ZNF721: variants seen among roughly 807,000 people sequenced by gnomAD.
The protein encoded by ZNF721 is zinc finger protein 721.
A neutral mutation model predicts 2.4 loss-of-function variants in ZNF721; 2 were observed. The observed-to-expected ratio is 0.82, with a 90% confidence interval of 0.34 to 2.58. The LOEUF is 2.58. Ranked by LOEUF, ZNF721 falls within the 30% of genes most tolerant of loss-of-function variation. ZNF721 has a pLI of 0.11. For synonymous variants in ZNF721, 398 were observed against 381.8 expected (o/e 1.04, Z -0.50); for missense variants, 1,187 against 1,085.5 (o/e 1.09, Z -1.31).
At position 472,570 on chromosome 4, in the gene ZNF721, C is replaced by T; in HGVS notation, c.34+5G>A. The T allele has an allele frequency of 1.3e-6, 2 of 1,596,878 alleles. No homozygotes were observed. Among genetic ancestry groups the T allele is most frequent in the Non-Finnish European group, 1.7e-6 (2 of 1,175,668 alleles). On this transcript the variant is annotated splice_donor_5th_base_variant and intron_variant, in intron 2 of 2. Coordinates refer to ENST00000511833, the MANE Select transcript of ZNF721 (RefSeq NM_133474.4). ...TTAGGAATTATGCATTAAAGTTATC[C>T]TCACCTAGGGAGACCAGGTTTCTGT...
At chr4:496,207 T>C (rs1436950444) in intron 1 of ZNF721, among the ~76,000 whole-genome samples, 2 of 152,134 alleles carry the variant, frequency 1.3e-5, no homozygotes, top group African/African-American at 4.8e-5. Context: ...TCCCATAATT[T>C]AGAGTTCCCC....
At chr4:464,156 A>C (rs1553866441) in intron 2 of ZNF721, among the ~76,000 whole-genome samples, 1 of 152,216 alleles carries the variant, frequency 6.6e-6, no homozygotes, top group African/African-American at 2.4e-5. Context: ...AATTATACAC[A>C]GGATAAAATC....
intron 2 of ZNF721, among the ~76,000 whole-genome samples, chr4:467,409 T>G (rs1715287847): frequency 6.6e-6 from 1 of 152,234 alleles, no homozygotes; most frequent in African/African-American, 2.4e-5. Flanking sequence ...AATGTATGAT[T>G]CCACTTACAT....
At chr4:468,099 CTA>C (rs1366073842) in intron 2 of ZNF721, among the ~76,000 whole-genome samples, 5 of 152,112 alleles carry the variant, frequency 3.3e-5, no homozygotes, top group Non-Finnish European at 4.4e-5. Flanking sequence ...AACCCTGTCT[CTA>C]TTAAAAATAC....
chr4:446,130 A>T (rs887027185), intron 2 of ZNF721, among the ~76,000 whole-genome samples: 2 of 150,256 alleles, frequency 1.3e-5, no homozygotes, highest in African/African-American at 4.8e-5. Flanking sequence ...AGTGAAAATA[A>T]CATAATGCAA....
chr4:472,420 C>T (rs116054527), intron 2 of ZNF721, among the ~76,000 whole-genome samples, 155 bp downstream of exon 2: 2,212 of 152,280 alleles, frequency 0.015, 57 homozygotes, highest in African/African-American at 0.049. Flanking sequence ...AATCTATCAA[C>T]AATGTTAAGA....
chr4:443,448 T>G lies in ZNF721; in HGVS notation c.1019A>C (p.Lys340Thr). Residue 340 changes from lysine to threonine, a missense_variant, in exon 3 of 3, where the codon AAA becomes ACA. Physicochemically the swap from Lys to Thr is moderately conservative, Grantham distance 78 (BLOSUM62 -1). Transcript: ENST00000511833. The stretch of plus-strand genomic sequence containing the variant: ...AAGGTTTGCGGACTGTCTAAAGGTT[T>G]TGCCACATTCTCCACATGTGTAGGG... ...EKPYTCGECGKTFRQSANLYV... is the reference protein window; with the variant it reads ...EKPYTCGECGTTFRQSANLYV... 6.2e-7 allele frequency: 1 copy of G among 1,611,936 alleles called. No individual in the cohort carries two copies. Among genetic ancestry groups the G allele is most frequent in the Non-Finnish European group, 8.5e-7 (1 of 1,178,318 alleles).
chr4:455,338 C>A (rs1233299554), intron 2 of ZNF721, among the ~76,000 whole-genome samples: 1 of 152,148 alleles, frequency 6.6e-6, no homozygotes, highest in Non-Finnish European at 1.5e-5. Context: ...GAGGCCGAGG[C>A]GGGCGGATCA....
rs929473920 is a variant in ZNF721, at chr4:499,078, G to T, written c.-116C>A. 2.1e-5 allele frequency: 11 copies of T among 534,394 alleles called. No individual in the cohort carries two copies. The highest frequency in any genetic ancestry group is 3.3e-5 in the Non-Finnish European group (10 of 306,174). 33.1% of individuals were successfully genotyped at this position (534,394 alleles called of 1,614,324 possible). A position where few individuals can be genotyped will look rare whatever the true frequency, so the allele number is the denominator to read the frequency against. ...TACCTCGCCGTGGGCGGCGACCGTC[G>T]CGGACTCGCCGGGAAGACGGCCCCA... On this transcript the variant is annotated 5_prime_UTR_variant, in exon 1 of 3. Transcript: ENST00000511833.
At chr4:480,357 A>G (rs543784769) in intron 1 of ZNF721, among the ~76,000 whole-genome samples, 2 of 152,318 alleles carry the variant, frequency 1.3e-5, no homozygotes, top group African/African-American at 4.8e-5. Flanking sequence ...GAATTTAGGA[A>G]CACTTTCTTA....
At chr4:455,191 A>G (rs1714808156) in intron 2 of ZNF721, among the ~76,000 whole-genome samples, 1 of 152,194 alleles carries the variant, frequency 6.6e-6, no homozygotes, top group South Asian at 2.1e-4. Flanking sequence ...TTTACATGGG[A>G]TAAAGGTTGT....
intron 1 of ZNF721, among the ~76,000 whole-genome samples, chr4:487,312 A>C (rs551974715): frequency 3.3e-5 from 5 of 152,266 alleles, no homozygotes; most frequent in Admixed American, 6.5e-5. Flanking sequence ...TTCCATCTCT[A>C]TGACAACAAG....
At chr4:454,377 T>A (rs1714771910) in intron 2 of ZNF721, among the ~76,000 whole-genome samples, 2 of 152,360 alleles carry the variant, frequency 1.3e-5, no homozygotes, top group Admixed American at 1.3e-4. Flanking sequence ...AAGCTCTTAA[T>A]GATAGTAGCA....
At chr4:477,191 T>C (rs918527167) in intron 1 of ZNF721, among the ~76,000 whole-genome samples, 7 of 151,708 alleles carry the variant, frequency 4.6e-5, no homozygotes, top group Non-Finnish European at 1.0e-4. Context: ...TCAAACCTTC[T>C]GGGAAAACAT....
chr4:454,507 G>C lies in ZNF721; in HGVS notation c.35-10075C>G, dbSNP rs576478734. On this transcript the variant is annotated intron_variant, in intron 2 of 2. Coordinates refer to ENST00000511833, the MANE Select transcript of ZNF721 (RefSeq NM_133474.4). ...AGGGGTTTGAGCCTTACTGCATACTGAATGTTATGTGTATATCCCTGACAA... is the reference window on the plus strand; with the variant it reads ...AGGGGTTTGAGCCTTACTGCATACTCAATGTTATGTGTATATCCCTGACAA... Among the ~76,000 whole-genome samples the C allele has an allele frequency of 4.6e-5, 7 of 152,264 alleles. No individual in the cohort carries two copies. The East Asian group carries it at 1.4e-3, about 29-fold the overall frequency.
intron 2 of ZNF721, among the ~76,000 whole-genome samples, chr4:461,552 T>C (rs1715070798): frequency 1.3e-5 from 2 of 152,192 alleles, no homozygotes; most frequent in Admixed American, 1.3e-4. Context: ...AAGACAAGGA[T>C]GCCCTCTCTC....
At chr4:483,349 A>C (rs1414603420) in intron 1 of ZNF721, among the ~76,000 whole-genome samples, 2 of 152,100 alleles carry the variant, frequency 1.3e-5, no homozygotes, top group Non-Finnish European at 2.9e-5. Flanking sequence ...TCAGTTCATG[A>C]CCAGCCTGGC....
In ZNF721 at chr4:467,223, A is replaced by C. The variant is rs202019838; in HGVS notation, c.34+5352T>G. ...CAGAGCAAGACTCCATCTCAAAAAA[A>C]AAACAAACAAACAAAAAAGGATGTG... On this transcript the variant is annotated intron_variant, in intron 2 of 2. Transcript: ENST00000511833. Among the ~76,000 whole-genome samples, 116 of 151,250 alleles carry C rather than the reference A, an allele frequency of 7.7e-4. 1 individual carries two copies. The Middle Eastern group carries it at 0.01, about 13-fold the overall frequency.
intron 1 of ZNF721, among the ~76,000 whole-genome samples, chr4:493,685 A>C (rs200612116): frequency 6.1e-3 from 4 of 660 alleles, no homozygotes; most frequent in East Asian, 0.17. Context: ...TCCCCCCCGC[A>C]AAAAAAAAAA....
Sources: allele counts gnomAD v4.1 joint callset (sites outside exome capture counted in the v4.1 genomes callset), GRCh38; gene constraint gnomAD v4.1.1; transcripts MANE v1.5; gene names NCBI Gene and HGNC (gene_info 2026-07-23, HGNC 2026-07-21).